The following DGKI variants were observed in gnomAD, a reference collection of about 807,000 sequenced individuals.
DGKI encodes the protein diacylglycerol kinase iota, also known as DAG kinase iota.
In DGKI, 55 loss-of-function variants were observed where a neutral mutation model predicts 147.5. That is an observed-to-expected ratio of 0.37 (90% confidence interval 0.30 to 0.47). DGKI has a LOEUF of 0.47. Among genes scored for constraint, DGKI ranks in the 20% least tolerant of loss-of-function variants. The pLI, the probability that DGKI is intolerant of heterozygous loss-of-function variation, is 1.00. For missense variants in DGKI, 1,007 were observed against 1,323.8 expected (o/e 0.76, Z 3.71); for synonymous variants, 469 against 477.1 (o/e 0.98, Z 0.22).
At chr7:137,398,997 G>T (rs1303507316) in intron 30 of DGKI, among the ~76,000 whole-genome samples, 3 of 84,772 alleles carry the variant, frequency 3.5e-5, no homozygotes, top group Non-Finnish European at 5.7e-5. Flanking sequence ...TGTTCCCAGG[G>T]TTCCATTTTT....
rs1796379023 is a variant in DGKI, at chr7:137,776,919, T to C, written c.401+69543A>G. Among the ~76,000 whole-genome samples, 6 of 152,212 alleles carry C rather than the reference T, an allele frequency of 3.9e-5. No homozygotes were observed. In the South Asian group the frequency reaches 1.2e-3, roughly 32 times the overall value. ...TTTTAAAAAGACCAGGCAGGATAGC[T>C]GATGCCTATAATCCCAGCAGTTTGG... On this transcript the variant is annotated intron_variant, in intron 1 of 32. Transcript: ENST00000614521.
chr7:137,395,692 T>G lies in DGKI; in HGVS notation c.2963A>C (p.Glu988Ala), dbSNP rs1811524806. Residue 988 changes from glutamate (E) to alanine (A), a missense_variant, in exon 32 of 33, where the codon GAG (glutamate) becomes GCG (alanine). By Grantham distance (107) the Glu-to-Ala change is moderately radical (BLOSUM62 -1). Around this residue, in one of 5 missense-constraint regions of DGKI, gnomAD observed 385 missense variants for 445.2 expected, o/e 0.86. Coordinates refer to ENST00000614521, the MANE Select transcript of DGKI (RefSeq NM_001321708.2). ...GCAGGCAGCCTTGTGCAGTGCAGTC[T>G]CACCCCTAAATCAAAGATGAAATGG... ...LLDMADSETG[E>A]TALHKAACQR... The G allele has an allele frequency of 6.2e-7, 1 of 1,613,684 alleles. No individual in the cohort carries two copies. Among genetic ancestry groups the G allele is most frequent in the African/African-American group, 1.3e-5 (1 of 74,936 alleles).
intron 12 of DGKI, among the ~76,000 whole-genome samples, chr7:137,589,709 AC>A (rs1209073051): frequency 6.6e-6 from 1 of 152,234 alleles, no homozygotes. Flanking sequence ...ATCTGGGATC[AC>A]CAACTGCAGA....
intron 28 of DGKI, among the ~76,000 whole-genome samples, chr7:137,416,796 A>G (rs1471528583): frequency 6.6e-6 from 1 of 152,184 alleles, no homozygotes; most frequent in Non-Finnish European, 1.5e-5. Flanking sequence ...TTGGTTTCCA[A>G]CAGCTTCCCA....
intron 21 of DGKI, among the ~76,000 whole-genome samples, chr7:137,494,511 C>T (rs886596920): frequency 1.3e-5 from 2 of 152,166 alleles, no homozygotes; most frequent in African/African-American, 4.8e-5. Flanking sequence ...GATTAGGGGC[C>T]TATATTCAGC....
chr7:137,750,678 C>G (rs1317001052), intron 1 of DGKI, among the ~76,000 whole-genome samples: 1 of 152,130 alleles, frequency 6.6e-6, no homozygotes, highest in Non-Finnish European at 1.5e-5. Context: ...AGCCCCTGAA[C>G]ATCACCCCCA....
chr7:137,482,660 ATC>A (rs1225552394), intron 23 of DGKI, among the ~76,000 whole-genome samples: 2 of 152,010 alleles, frequency 1.3e-5, no homozygotes, highest in Non-Finnish European at 2.9e-5. Flanking sequence ...ATGAAAGTTT[ATC>A]TCTCCCAGCT....
intron 21 of DGKI, among the ~76,000 whole-genome samples, chr7:137,514,347 T>C (rs541199391): frequency 9.2e-5 from 14 of 152,320 alleles, no homozygotes; most frequent in African/African-American, 3.1e-4. Context: ...CTTGACCCTA[T>C]TTGCACACGA....
intron 2 of DGKI, among the ~76,000 whole-genome samples, chr7:137,683,701 C>T (rs1823318960): frequency 6.6e-6 from 1 of 152,194 alleles, no homozygotes; most frequent in Non-Finnish European, 1.5e-5. Flanking sequence ...TCCATCTGTG[C>T]CAGACAGAAA....
chr7:137,602,210 T>C (rs1247103609), intron 10 of DGKI, among the ~76,000 whole-genome samples: 1 of 152,224 alleles, frequency 6.6e-6, no homozygotes, highest in Admixed American at 6.5e-5. Flanking sequence ...TTGATGTTAA[T>C]TACTCCTTTC....
intron 8 of DGKI, among the ~76,000 whole-genome samples, chr7:137,615,759 A>C (rs1291442205): frequency 1.3e-5 from 2 of 152,136 alleles, no homozygotes; most frequent in African/African-American, 4.8e-5. Context: ...AACAGATCAG[A>C]GACACAATGA....
chr7:137,417,230 G>C (rs543986897), intron 28 of DGKI, among the ~76,000 whole-genome samples: 19 of 152,172 alleles, frequency 1.2e-4, no homozygotes, highest in Non-Finnish European at 2.5e-4. Context: ...GGAAAGTCAA[G>C]TTGTTAATGG....
intron 30 of DGKI, among the ~76,000 whole-genome samples, chr7:137,400,648 T>C (rs942249946): frequency 6.6e-6 from 1 of 152,054 alleles, no homozygotes; most frequent in Non-Finnish European, 1.5e-5. Flanking sequence ...CGGCTACCCA[T>C]CACTCTCCTT....
chr7:137,391,451 G>A (rs547289164), intron 32 of DGKI, 115 bp from the exon 33 acceptor site: 44 of 700,126 alleles, frequency 6.3e-5, no homozygotes, highest in South Asian at 1.1e-4. Context: ...ACAGAACTAC[G>A]CAAGGATACC....
intron 5 of DGKI, among the ~76,000 whole-genome samples, chr7:137,654,463 A>G (rs114225616): frequency 5.2e-4 from 79 of 152,306 alleles, no homozygotes; most frequent in African/African-American, 1.8e-3. Flanking sequence ...TACCCCTTCA[A>G]TTCTATCACT....
At chr7:137,833,477 T>A (rs917459799) in intron 1 of DGKI, among the ~76,000 whole-genome samples, 1 of 152,102 alleles carries the variant, frequency 6.6e-6, no homozygotes, top group African/African-American at 2.4e-5. Flanking sequence ...GAAAGACGCA[T>A]CCTCATACTT....
chr7:137,583,375 G>C (rs1171481750), intron 14 of DGKI, among the ~76,000 whole-genome samples: 4 of 152,016 alleles, frequency 2.6e-5, no homozygotes, highest in Non-Finnish European at 4.4e-5. Flanking sequence ...TGACAGCATG[G>C]GTTGGTGATC....
At chr7:137,778,588 T>G (rs1300743332) in intron 1 of DGKI, among the ~76,000 whole-genome samples, 1 of 151,456 alleles carries the variant, frequency 6.6e-6, no homozygotes, top group African/African-American at 2.4e-5. Context: ...AATTTTTAGA[T>G]CTGGACAATT....
intron 8 of DGKI, among the ~76,000 whole-genome samples, chr7:137,616,038 A>T (rs1470130428): frequency 6.6e-6 from 1 of 152,176 alleles, no homozygotes; most frequent in African/African-American, 2.4e-5. Flanking sequence ...TTTGAAGCCC[A>T]CTAAAGAAAA....
Sources: gnomAD v4.1 joint callset for allele counts (sites outside exome capture counted in the v4.1 genomes callset) on GRCh38, gnomAD v4.1.1 for gene constraint, gnomAD v4.1.1 regional missense constraint, MANE v1.5 for transcripts, NCBI Gene and HGNC (gene_info 2026-07-23, HGNC 2026-07-21) for gene names.